CNTNAP2: variants seen among roughly 807,000 people sequenced by gnomAD.
The protein encoded by CNTNAP2 is contactin-associated protein-like 2.
In CNTNAP2, 98 loss-of-function variants were observed where a neutral mutation model predicts 155.2. The ratio of observed to expected loss-of-function variants is 0.63; its 90% CI spans 0.54 to 0.75. The LOEUF (loss-of-function observed/expected upper bound fraction) is 0.75, where lower values mean the gene tolerates loss of function less well. Ranked by LOEUF, CNTNAP2 falls within the 30% of genes least tolerant of loss-of-function variation. CNTNAP2 has a pLI of 0.00. For missense variants in CNTNAP2, 1,727 were observed against 1,688.1 expected (o/e 1.02, Z -0.40); for synonymous variants, 651 against 631.2 (o/e 1.03, Z -0.47).
chr7:146,745,095 C>T (rs79046839), intron 1 of CNTNAP2, among the ~76,000 whole-genome samples: 4,230 of 152,172 alleles, frequency 0.028, 70 homozygotes, highest in African/African-American at 0.039. Flanking sequence ...CTTTGCAAAC[C>T]ATAACAATAT....
chr7:146,450,344 T>C (rs968884602), intron 1 of CNTNAP2, among the ~76,000 whole-genome samples: 3 of 152,226 alleles, frequency 2.0e-5, no homozygotes, highest in Non-Finnish European at 4.4e-5. Context: ...AATTTATTTC[T>C]TATAAATTTG....
At chr7:146,679,222 A>G (rs564166199) in intron 1 of CNTNAP2, among the ~76,000 whole-genome samples, 76 of 151,924 alleles carry the variant, frequency 5.0e-4, no homozygotes, top group African/African-American at 1.8e-3. Context: ...ATGTGTTCCC[A>G]TCATTTAGCT....
chr7:147,893,479 G>A (rs981930479), intron 13 of CNTNAP2, among the ~76,000 whole-genome samples: 1 of 152,122 alleles, frequency 6.6e-6, no homozygotes, highest in African/African-American at 2.4e-5. Flanking sequence ...CTTTATAGAT[G>A]TTCCCAAGTG....
At chr7:147,915,176 A>G (rs376498691) in intron 14 of CNTNAP2, among the ~76,000 whole-genome samples, 1 of 152,224 alleles carries the variant, frequency 6.6e-6, no homozygotes, top group African/African-American at 2.4e-5. Flanking sequence ...CACATCATCA[A>G]CAACAAAACC....
intron 13 of CNTNAP2, among the ~76,000 whole-genome samples, chr7:147,698,096 C>T (rs758739387): frequency 3.9e-5 from 6 of 152,052 alleles, no homozygotes; most frequent in African/African-American, 9.7e-5. Context: ...TGTAATTTTC[C>T]GTGTCCACCT....
At chr7:147,546,986 C>T (rs1799748155) in intron 11 of CNTNAP2, among the ~76,000 whole-genome samples, 1 of 152,164 alleles carries the variant, frequency 6.6e-6, no homozygotes, top group South Asian at 2.1e-4. Context: ...GATGCTGTAT[C>T]TGTGATTAGC....
chr7:148,226,891 A>G (rs1013989694), intron 19 of CNTNAP2, among the ~76,000 whole-genome samples: 5 of 152,162 alleles, frequency 3.3e-5, no homozygotes, highest in African/African-American at 1.2e-4. Flanking sequence ...ACTTTTTAAT[A>G]AACTTTCACT....
At chr7:146,997,069 T>C (rs1798325470) in intron 3 of CNTNAP2, among the ~76,000 whole-genome samples, 1 of 152,030 alleles carries the variant, frequency 6.6e-6, no homozygotes, top group African/African-American at 2.4e-5. Context: ...TTAAACCTCT[T>C]TTTCTTTATA....
At chr7:147,792,738 A>G (rs1797838921) in intron 13 of CNTNAP2, among the ~76,000 whole-genome samples, 1 of 152,144 alleles carries the variant, frequency 6.6e-6, no homozygotes, top group Non-Finnish European at 1.5e-5. Context: ...TTGCTGGGCT[A>G]TATTGTAACA....
intron 1 of CNTNAP2, among the ~76,000 whole-genome samples, chr7:146,191,837 T>C (rs1798710480): frequency 6.6e-6 from 1 of 152,198 alleles, no homozygotes; most frequent in Non-Finnish European, 1.5e-5. Context: ...TGTTCTTTTT[T>C]CAAGGTGCCC....
intron 10 of CNTNAP2, among the ~76,000 whole-genome samples, chr7:147,453,170 A>C (rs1356512556): frequency 6.6e-6 from 1 of 152,148 alleles, no homozygotes; most frequent in East Asian, 1.9e-4. Context: ...TTGTTGTCTT[A>C]AGCATGCCAT....
At chr7:148,395,983 C>G (rs561569353) in intron 22 of CNTNAP2, among the ~76,000 whole-genome samples, 211 of 152,252 alleles carry the variant, frequency 1.4e-3, no homozygotes, top group Middle Eastern at 0.014. Flanking sequence ...GGACTCTGTC[C>G]CGTTCTTCTC....
intron 4 of CNTNAP2, among the ~76,000 whole-genome samples, chr7:147,098,153 C>T (rs966676381): frequency 1.1e-4 from 16 of 152,128 alleles, no homozygotes; most frequent in East Asian, 3.9e-4. Context: ...GCCCTTTCCA[C>T]GCCCTTTCTC....
At chr7:148,034,982 C>T (rs1005982549) in intron 15 of CNTNAP2, among the ~76,000 whole-genome samples, 3 of 152,144 alleles carry the variant, frequency 2.0e-5, no homozygotes, top group African/African-American at 4.8e-5. Flanking sequence ...TGTTCATGCC[C>T]TAGGGCTTTA....
chr7:148,108,571 C>T (rs1804275285), intron 15 of CNTNAP2, among the ~76,000 whole-genome samples: 1 of 152,042 alleles, frequency 6.6e-6, no homozygotes, highest in Admixed American at 6.6e-5. Context: ...AACTGGAGGA[C>T]ATAATGCTCT....
chr7:147,746,426 T>C (rs1347260933), intron 13 of CNTNAP2, among the ~76,000 whole-genome samples: 3 of 152,152 alleles, frequency 2.0e-5, no homozygotes, highest in African/African-American at 7.2e-5. Flanking sequence ...CGGAGCACAG[T>C]TGGGCAAGCC....
intron 14 of CNTNAP2, among the ~76,000 whole-genome samples, chr7:147,955,696 C>T (rs1252818842): frequency 6.6e-6 from 1 of 152,140 alleles, no homozygotes; most frequent in Non-Finnish European, 1.5e-5. Context: ...ATATGATGCA[C>T]AGTCCCTGAC....
At chr7:146,140,434 A>G (rs1423169843) in intron 1 of CNTNAP2, among the ~76,000 whole-genome samples, 12 of 152,140 alleles carry the variant, frequency 7.9e-5, no homozygotes, top group Admixed American at 5.9e-4. Flanking sequence ...TGTGGCAAGT[A>G]AAGTCTCAGA....
chr7:147,438,626 C>T (rs903964456), intron 10 of CNTNAP2, among the ~76,000 whole-genome samples: 11 of 152,024 alleles, frequency 7.2e-5, no homozygotes, highest in African/African-American at 2.6e-4. Context: ...AACTATTTCT[C>T]TCTTCCTCTA....
Sources: allele counts gnomAD v4.1 joint callset (sites outside exome capture counted in the v4.1 genomes callset), GRCh38; gene constraint gnomAD v4.1.1; transcripts MANE v1.5; gene names NCBI Gene and HGNC (gene_info 2026-07-23, HGNC 2026-07-21).